The following COQ8A variants were observed in gnomAD, a reference collection of about 807,000 sequenced individuals.
COQ8A encodes the protein coenzyme Q8A.
A neutral mutation model predicts 65.0 loss-of-function variants in COQ8A; 51 were observed. The observed-to-expected ratio is 0.78, with a 90% CI of 0.63 to 0.99. The LOEUF is 0.99. COQ8A is among the 50% of genes least tolerant of loss of function. The pLI is 0.00. For synonymous variants in COQ8A, 371 were observed against 353.2 expected, an observed-to-expected ratio of 1.05 and a Z score of -0.57; for missense variants, 940 against 875.0, an observed-to-expected ratio of 1.07 and a Z score of -0.94.
chr1:226,983,292 A>G, intron 8 of COQ8A: 1 of 671,384 alleles, frequency 1.5e-6, no homozygotes, highest in Non-Finnish European at 2.5e-6. Context: ...GGGACAAGTG[A>G]TTGCTTTTTG....
intron 1 of COQ8A, among the ~76,000 whole-genome samples, chr1:226,955,898 C>T (rs1243725104): frequency 1.8e-5 from 2 of 112,934 alleles, no homozygotes; most frequent in Admixed American, 8.7e-5. Flanking sequence ...TGCCACTCTC[C>T]CTGGCTGCCA....
chr1:226,974,522 G>A (rs1379940222), intron 4 of COQ8A, among the ~76,000 whole-genome samples: 3 of 152,216 alleles, frequency 2.0e-5, no homozygotes, highest in African/African-American at 4.8e-5. Flanking sequence ...GGGGAGTGCC[G>A]GCTGAGGTGC....
intron 10 of COQ8A, 111 bp from the exon 11 acceptor site, chr1:226,983,983 A>G (rs1438664268): frequency 1.4e-6 from 2 of 1,460,782 alleles, no homozygotes; most frequent in East Asian, 3.1e-5. Flanking sequence ...GGCCGAGGCC[A>G]TATCCTGCCT....
intron 8 of COQ8A, 100 bp downstream of exon 8, chr1:226,983,134 C>A: frequency 6.8e-7 from 1 of 1,468,644 alleles, no homozygotes; most frequent in Non-Finnish European, 9.1e-7. Flanking sequence ...TCCCGCAGGG[C>A]ACCCTCTCTC....
At chr1:226,975,396 C>A (rs932826774) in intron 4 of COQ8A, among the ~76,000 whole-genome samples, 1 of 152,160 alleles carries the variant, frequency 6.6e-6, no homozygotes, top group Non-Finnish European at 1.5e-5. Context: ...CTTGGAAATG[C>A]GGCTGGTCCA....
chr1:226,985,981 A>ACCTTGGGCTGTCCCTGGCGGCAGCT (rs1426797155), intron 14 of COQ8A, among the ~76,000 whole-genome samples: 1 of 151,992 alleles, frequency 6.6e-6, no homozygotes, highest in Non-Finnish European at 1.5e-5. Flanking sequence ...CCCTCTGACC[A>ACCTTGGGCTGTCCCTGGCGGCAGCT]CCTTGGGCTG....
chr1:226,974,022 A>C (rs1351724567), intron 4 of COQ8A, among the ~76,000 whole-genome samples: 1 of 152,154 alleles, frequency 6.6e-6, no homozygotes, highest in Non-Finnish European at 1.5e-5. Flanking sequence ...CCAGCCTGCT[A>C]GGAAGGGCCC....
rs1238745317 is a variant in COQ8A at position 226,946,414 on chromosome 1, T to C, written c.-10+6015T>C. Reference sequence around the variant, plus strand: ...TGTGGGTGTTGGGCGGGGCCGGGGGTCCATTCTGGCTGAAGCGTTGGGGCA... The same window carrying C: ...TGTGGGTGTTGGGCGGGGCCGGGGGCCCATTCTGGCTGAAGCGTTGGGGCA... On this transcript the variant is annotated intron_variant, in intron 1 of 14. Transcript: ENST00000366777. The surrounding 1 kb of genome is among the most constrained non-coding windows in gnomAD (Gnocchi z 5.3). 6.6e-6 allele frequency among the ~76,000 whole-genome samples: 1 copy of C among 151,884 alleles called. No homozygotes were observed. Among genetic ancestry groups the C allele is most frequent in the Admixed American group, 6.6e-5 (1 of 15,252 alleles).
chr1:226,978,948 A>ACTGCACCT (rs1659526390), intron 5 of COQ8A, among the ~76,000 whole-genome samples: 1 of 141,018 alleles, frequency 7.1e-6, no homozygotes, highest in African/African-American at 2.7e-5. Flanking sequence ...ACACCCACAC[A>ACTGCACCT]CCTTACCCTC....
intron 1 of COQ8A, among the ~76,000 whole-genome samples, chr1:226,954,964 C>T (rs369785225): frequency 1.3e-5 from 2 of 152,124 alleles, no homozygotes; most frequent in South Asian, 2.1e-4. Context: ...TGCTGAGATC[C>T]GGGAGGAGGA....
intron 5 of COQ8A, among the ~76,000 whole-genome samples, chr1:226,978,480 G>T (rs1351917048): frequency 2.5e-5 from 3 of 119,304 alleles, no homozygotes; most frequent in Non-Finnish European, 5.2e-5. Context: ...CCAAATACCT[G>T]CACACCTCCT....
In COQ8A at chr1:226,942,330, G is replaced by A. The variant is rs551202849; in HGVS notation, c.-10+1931G>A. On this transcript the variant is annotated intron_variant, in intron 1 of 14. Coordinates refer to ENST00000366777, the MANE Select transcript of COQ8A (RefSeq NM_020247.5). Reference sequence around the variant, plus strand: ...GGCTACCTGTGCACCTAGGAGGGCAGAGGCAAAACCTGCAAGCAGAAAGTT... The same window carrying A: ...GGCTACCTGTGCACCTAGGAGGGCAAAGGCAAAACCTGCAAGCAGAAAGTT... 1.2e-4 allele frequency among the ~76,000 whole-genome samples: 18 copies of A among 152,066 alleles called. No homozygotes were observed. The East Asian group carries it at 3.5e-3, about 29-fold the overall frequency.
rs773369876 is a variant in COQ8A, at chr1:226,981,994, A to G, written c.731-33A>G. 1.4e-5 allele frequency: 22 copies of G among 1,612,638 alleles called. No homozygotes were observed. The African/African-American group carries it at 2.8e-4, about 21-fold the overall frequency. ...GCCATCCCACTCCCAGACCCCCCCG[A>G]GTGCCGTGGTGACCCCTCTTGCCCG... is the stretch of plus-strand genomic sequence containing the variant. On this transcript the variant is annotated intron_variant, in intron 5 of 14. Coordinates refer to ENST00000366777, the MANE Select transcript of COQ8A (RefSeq NM_020247.5).
rs1259671061 is a variant in COQ8A at position 226,985,293 on chromosome 1, CG to C, written c.1615del (p.Ala539ArgfsTer4). On this transcript the variant is annotated frameshift_variant, in exon 14 of 15. Transcript: ENST00000366777. LOFTEE classifies it high-confidence loss of function. ...AAADRDRETVRAKSIEMKFLT... is the reference protein window; with the variant it reads ...AAADRDRETVXAKSIEMKFLT... ...TGCCGACAGGGACAGGGAGACTGTG[CG>C]GGCGAAATCCATAGAGATGAAGTTC... is the stretch of plus-strand genomic sequence containing the variant. 6.2e-7 allele frequency: 1 copy of C among 1,613,720 alleles called. No individual in the cohort carries two copies. The highest frequency in any genetic ancestry group is 1.1e-5 in the South Asian group (1 of 91,082).
chr1:226,963,187 G>A (rs1457204803), intron 2 of COQ8A, among the ~76,000 whole-genome samples: 1 of 152,234 alleles, frequency 6.6e-6, no homozygotes, highest in Non-Finnish European at 1.5e-5. Flanking sequence ...TCAGTCACTC[G>A]GAGGTAGGGC....
At chr1:226,947,373 C>A (rs1032331446) in intron 1 of COQ8A, among the ~76,000 whole-genome samples, 1 of 152,172 alleles carries the variant, frequency 6.6e-6, no homozygotes, top group East Asian at 1.9e-4. Flanking sequence ...GATAATACCT[C>A]ACCAGGTCTT....
At chr1:226,953,288 A>G (rs984661104) in intron 1 of COQ8A, among the ~76,000 whole-genome samples, 1 of 152,154 alleles carries the variant, frequency 6.6e-6, no homozygotes, top group African/African-American at 2.4e-5. Context: ...TTGGCCTCCC[A>G]AGGTGCTGGG....
rs1378553045 is a variant in COQ8A at position 226,965,073 on chromosome 1, C to A, written c.251C>A (p.Pro84Gln). 6.2e-7 allele frequency: 1 copy of A among 1,613,850 alleles called. No homozygotes were observed. The highest frequency in any genetic ancestry group is 1.3e-5 in the African/African-American group (1 of 74,944). The change falls in exon 3 of 15, where the codon CCG becomes CAG. Residue 84 changes from proline (P) to glutamine (Q), a missense_variant. By Grantham distance (76) the Pro-to-Gln change is moderately conservative. Transcript: ENST00000366777. ...GPEGEFHFSV[P>Q]HAAGASTDFS... ...GAAGGGGAGTTCCACTTCTCAGTCC[C>A]GCATGCAGCCGGAGCCTCCACAGAC...
chr1:226,982,285 A>G, intron 6 of COQ8A, 136 bp downstream of exon 6: 1 of 1,327,214 alleles, frequency 7.5e-7, no homozygotes, highest in Non-Finnish European at 1.0e-6. Flanking sequence ...CTTAGAAGAT[A>G]ATAGGCCTGG....
Sources: allele counts gnomAD v4.1 joint callset (sites outside exome capture counted in the v4.1 genomes callset), GRCh38; gene constraint gnomAD v4.1.1; non-coding constraint Gnocchi (gnomAD v3.1); transcripts MANE v1.5; gene names NCBI Gene and HGNC (gene_info 2026-07-23, HGNC 2026-07-21).